Variants in QPCTL observed in about 807,000 individuals in gnomAD.
QPCTL encodes the protein glutaminyl-peptide cyclotransferase-like protein.
A neutral mutation model predicts 34.6 loss-of-function variants in QPCTL; 31 were observed. That is an observed-to-expected ratio of 0.90 (90% CI 0.67 to 1.21). The LOEUF is 1.21. Ranked by LOEUF, QPCTL falls within the 50% of genes most tolerant of loss-of-function variation. The probability of loss-of-function intolerance (pLI) is 0.00; values close to 1 mark genes in which losing one functional copy is unlikely to be tolerated. For synonymous variants in QPCTL, 223 were observed against 226.9 expected, an observed-to-expected ratio of 0.98 and a Z score of 0.15; for missense variants, 474 against 507.8, an observed-to-expected ratio of 0.93 and a Z score of 0.64.
At chr19:45,698,381 GA>G in intron 3 of QPCTL, 165 bp from the exon 4 acceptor site, 1 of 805,146 alleles carries the variant, frequency 1.2e-6, no homozygotes, top group Non-Finnish European at 1.9e-6. Flanking sequence ...GTACGGATTT[GA>G]TCCCAGACAA....
intron 6 of QPCTL, 98 bp from the exon 7 acceptor site, chr19:45,702,806 T>A: frequency 2.9e-6 from 4 of 1,369,954 alleles, no homozygotes; most frequent in Non-Finnish European, 4.1e-6. Flanking sequence ...CTTTCACCAG[T>A]GTGTGGTGGC....
At chr19:45,696,468 G>T (rs922794247) in intron 3 of QPCTL, among the ~76,000 whole-genome samples, 2 of 152,002 alleles carry the variant, frequency 1.3e-5, no homozygotes, top group Non-Finnish European at 2.9e-5. Flanking sequence ...GTGCACACCT[G>T]TAACCCCAGC....
chr19:45,700,166 G>T (rs1295540239), intron 5 of QPCTL, among the ~76,000 whole-genome samples: 1 of 151,642 alleles, frequency 6.6e-6, no homozygotes, highest in Non-Finnish European at 1.5e-5. Context: ...TAAAGGCTTG[G>T]CTGGGCGCAA....
chr19:45,694,819 G>T (rs1967659673), intron 2 of QPCTL, among the ~76,000 whole-genome samples: 1 of 152,048 alleles, frequency 6.6e-6, no homozygotes, highest in Non-Finnish European at 1.5e-5. Flanking sequence ...TGTAAAATGG[G>T]GTCATGTATT....
Position 45,695,424 on chromosome 19 carries a change from C to A in QPCTL, c.352-13C>A. Reference sequence around the variant, plus strand: ...AGTCCCCGTCCACCCTCCCACCTCTCTCTTGCCGCTAGTTCCTGGAGGCCA... The same window carrying A: ...AGTCCCCGTCCACCCTCCCACCTCTATCTTGCCGCTAGTTCCTGGAGGCCA... On this transcript the variant is annotated splice_polypyrimidine_tract_variant and intron_variant, in intron 2 of 6. Coordinates refer to ENST00000012049, the MANE Select transcript of QPCTL (RefSeq NM_017659.4). The A allele has an allele frequency of 6.3e-7, 1 of 1,596,770 alleles. No homozygotes were observed. The highest frequency in any genetic ancestry group is 8.6e-7 in the Non-Finnish European group (1 of 1,168,594).
rs375830879 is a variant in QPCTL at position 45,697,560 on chromosome 19, A to G, written c.634-987A>G. 2.0e-4 allele frequency among the ~76,000 whole-genome samples: 31 copies of G among 152,168 alleles called. No homozygotes were observed. The East Asian group carries it at 2.3e-3, about 11-fold the overall frequency. On this transcript the variant is annotated intron_variant, in intron 3 of 6. Transcript: ENST00000012049. ...AAGCCCACACTCCTTGGCCCTTGCT[A>G]AACCTTCCGTACCCCTCTCAAACCT...
intron 5 of QPCTL, among the ~76,000 whole-genome samples, chr19:45,699,931 CAAAAAAAA>C (rs35011463): frequency 1.1e-5 from 1 of 90,104 alleles, no homozygotes; most frequent in African/African-American, 4.8e-5. Context: ...GACTCCATCT[CAAAAAAAA>C]AAAAAAAAAA....
Position 45,698,606 on chromosome 19 carries a change from G to A in QPCTL, c.693G>A (p.Trp231Ter). 3 of 1,614,108 alleles carry A rather than the reference G, an allele frequency of 1.9e-6. No homozygotes were observed. The highest frequency in any genetic ancestry group is 2.5e-6 in the Non-Finnish European group (3 of 1,179,998). The change falls in exon 4 of 7, where the codon TGG (tryptophan) becomes TGA (stop). Residue 231 changes from tryptophan (W) to a stop codon, truncating the protein, a stop_gained. Coordinates refer to ENST00000012049, the MANE Select transcript of QPCTL (RefSeq NM_017659.4). LOFTEE classifies it high-confidence loss of function. ...FLDGEEALKE[W>*]GPKDSLYGSR... ...ATGGTGAAGAGGCGCTGAAGGAGTG[G>A]GGACCCAAGGACTCCCTTTACGGTT... is the stretch of plus-strand genomic sequence containing the variant.
chr19:45,701,651 A>AGTGGCATAGTGAAT, intron 5 of QPCTL, 147 bp from the exon 6 acceptor site: 1 of 635,238 alleles, frequency 1.6e-6, no homozygotes, highest in Non-Finnish European at 2.8e-6. Flanking sequence ...GAACATAGTG[A>AGTGGCATAGTGAAT]GCCCACAGGA....
At chr19:45,701,646 T>C (rs911204870) in intron 5 of QPCTL, 152 bp from the exon 6 acceptor site, 6 of 627,662 alleles carry the variant, frequency 9.6e-6, no homozygotes, top group Non-Finnish European at 1.7e-5. Flanking sequence ...ACCAGGAACA[T>C]AGTGAGCCCA....
In QPCTL at chr19:45,698,465, C is replaced by A. The variant is rs957190508; in HGVS notation, c.634-82C>A. ...CACCTTATGTGTTCTCTTAAGCATG[C>A]AAGCGGGCAAGAAGTGTGGGTATGT... On this transcript the variant is annotated intron_variant, in intron 3 of 6. Coordinates refer to ENST00000012049, the MANE Select transcript of QPCTL (RefSeq NM_017659.4). The A allele has an allele frequency of 6.5e-6, 10 of 1,531,412 alleles. No homozygotes were observed. In the African/African-American group the frequency reaches 1.1e-4, roughly 17 times the overall value. The allele number at this position is 1,531,412 out of a possible 1,614,324, so 94.9% of individuals were successfully genotyped here.
intron 6 of QPCTL, among the ~76,000 whole-genome samples, chr19:45,702,324 A>G (rs1460442821): frequency 2.6e-5 from 4 of 151,938 alleles, no homozygotes; most frequent in African/African-American, 4.8e-5. Context: ...TTAGCCGGGC[A>G]TGGTGGTTCA....
chr19:45,701,423 C>T (rs540703934), intron 5 of QPCTL, among the ~76,000 whole-genome samples: 2 of 151,936 alleles, frequency 1.3e-5, no homozygotes, highest in Admixed American at 1.3e-4. Flanking sequence ...TTACAGGCGC[C>T]CACCACCACA....
In QPCTL at chr19:45,695,478, C is replaced by T. The variant is rs754111920; in HGVS notation, c.393C>T (p.His131=). ...TGCGGTCCCTGACAGCAGGTTGGCACGTGGAGCTGGATCCCTTCACAGCCT... is the reference window on the plus strand; with the variant it reads ...TGCGGTCCCTGACAGCAGGTTGGCATGTGGAGCTGGATCCCTTCACAGCCT... ...ATLRSLTAGW[H]VELDPFTAST... Residue 131 remains histidine (H), a synonymous_variant, in exon 3 of 7, where the codon CAC becomes CAT. Transcript: ENST00000012049. 1.6e-5 allele frequency: 26 copies of T among 1,613,702 alleles called. No individual in the cohort carries two copies. The highest frequency in any genetic ancestry group is 1.6e-4 in the Middle Eastern group (1 of 6,082).
chr19:45,695,478 C>G lies in QPCTL; in HGVS notation c.393C>G (p.His131Gln). The G allele has an allele frequency of 5.0e-6, 8 of 1,613,820 alleles. No individual in the cohort carries two copies. The highest frequency in any genetic ancestry group is 1.1e-5 in the South Asian group (1 of 91,080). ...TGCGGTCCCTGACAGCAGGTTGGCA[C>G]GTGGAGCTGGATCCCTTCACAGCCT... ...ATLRSLTAGW[H>Q]VELDPFTAST... Residue 131 changes from histidine (H) to glutamine (Q), a missense_variant, in exon 3 of 7, where the codon CAC becomes CAG. By Grantham distance (24) the His-to-Gln change is conservative. Coordinates refer to ENST00000012049, the MANE Select transcript of QPCTL (RefSeq NM_017659.4).
chr19:45,698,544 C>T lies in QPCTL; in HGVS notation c.634-3C>T, dbSNP rs1381291764. The T allele has an allele frequency of 6.2e-7, 1 of 1,613,818 alleles. No individual in the cohort carries two copies. The highest frequency in any genetic ancestry group is 1.1e-5 in the South Asian group (1 of 91,056). ...TCTGGCCACCCCCCTGCTGCTCCCA[C>T]AGGCAGCCCCGGTGACCCTGCAACT... On this transcript the variant is annotated splice_polypyrimidine_tract_variant and splice_region_variant and intron_variant, in intron 3 of 6. Coordinates refer to ENST00000012049, the MANE Select transcript of QPCTL (RefSeq NM_017659.4).
chr19:45,702,499 C>G (rs900033916), intron 6 of QPCTL, among the ~76,000 whole-genome samples: 1 of 151,382 alleles, frequency 6.6e-6, no homozygotes, highest in Non-Finnish European at 1.5e-5. Flanking sequence ...CATGGTGGCT[C>G]ACACCTGTAA....
chr19:45,702,405 G>A (rs1245995404), intron 6 of QPCTL, among the ~76,000 whole-genome samples: 1 of 151,650 alleles, frequency 6.6e-6, no homozygotes, highest in Non-Finnish European at 1.5e-5. Flanking sequence ...CAAGGCTGCA[G>A]TAAGCCTTGA....
intron 4 of QPCTL, 40 bp from the exon 5 acceptor site, chr19:45,698,761 A>G: frequency 6.2e-7 from 1 of 1,613,422 alleles, no homozygotes. Context: ...GGCTGGCGTC[A>G]TCCTGCACGG....
Sources: allele counts gnomAD v4.1 joint callset (sites outside exome capture counted in the v4.1 genomes callset), GRCh38; gene constraint gnomAD v4.1.1; transcripts MANE v1.5; gene names NCBI Gene and HGNC (gene_info 2026-07-23, HGNC 2026-07-21).